PLXDC1: variants seen among roughly 807,000 people sequenced by gnomAD.
The protein encoded by PLXDC1 is plexin domain containing 1, also known as plexin domain-containing protein 1.
Under a neutral mutation model 61.3 loss-of-function variants are expected in PLXDC1, and 39 were observed. The ratio of observed to expected loss-of-function variants is 0.64; its 90% CI spans 0.49 to 0.83. The LOEUF is 0.83. Ranked by LOEUF, PLXDC1 falls within the 40% of genes least tolerant of loss-of-function variation. The pLI, the probability that PLXDC1 is intolerant of heterozygous loss-of-function variation, is 0.00. For synonymous variants in PLXDC1, 212 were observed against 254.5 expected (o/e 0.83, Z 1.59); for missense variants, 596 against 666.5 (o/e 0.89, Z 1.17).
chr17:39,078,994 CA>C, intron 10 of PLXDC1, 109 bp downstream of exon 10: 1 of 850,654 alleles, frequency 1.2e-6, no homozygotes, highest in South Asian at 1.4e-5. Context: ...AGGATATTGC[CA>C]AGAGCTAATG....
chr17:39,140,598 C>T lies in PLXDC1; in HGVS notation c.77-766G>A, dbSNP rs541875167. On this transcript the variant is annotated intron_variant, in intron 1 of 13. Transcript: ENST00000315392. ...GGGATTACAGGCGTGAGCCACCGCG[C>T]CTAGCCTCGATTTCTTAAAAGAGCC... 9.2e-5 allele frequency among the ~76,000 whole-genome samples: 14 copies of T among 152,360 alleles called. No individual in the cohort carries two copies. In the East Asian group the frequency reaches 2.1e-3, roughly 23 times the overall value.
intron 9 of PLXDC1, among the ~76,000 whole-genome samples, chr17:39,081,641 T>TAC (rs1909565811): frequency 7.8e-6 from 1 of 128,766 alleles, no homozygotes; most frequent in African/African-American, 3.1e-5. Context: ...AAAAAAAAAA[T>TAC]GCTTCTTGAT....
At chr17:39,094,655 C>T (rs1043035251) in intron 7 of PLXDC1, among the ~76,000 whole-genome samples, 15 of 152,176 alleles carry the variant, frequency 9.9e-5, no homozygotes, top group Non-Finnish European at 1.9e-4. Context: ...ACCTCATCCC[C>T]TAGCACCAGG....
chr17:39,068,034 A>C, intron 13 of PLXDC1, 75 bp from the exon 14 acceptor site: 1 of 1,483,322 alleles, frequency 6.7e-7, no homozygotes, highest in Non-Finnish European at 9.3e-7. Flanking sequence ...TGAGCGACAG[A>C]GCCAACCAAG....
At chr17:39,068,494 T>C (rs376395129) in intron 13 of PLXDC1, among the ~76,000 whole-genome samples, 23 of 152,306 alleles carry the variant, frequency 1.5e-4, no homozygotes, top group African/African-American at 5.5e-4. Context: ...CTGGCCAACA[T>C]GGTGAAACAC....
intron 7 of PLXDC1, among the ~76,000 whole-genome samples, chr17:39,093,196 C>T (rs28409216): frequency 0.27 from 41,275 of 152,008 alleles, 6,187 homozygotes; most frequent in Non-Finnish European, 0.34. Context: ...GTCCCTGCCC[C>T]CAGCTCCACC....
At chr17:39,083,852 C>G (rs1281181668) in intron 8 of PLXDC1, among the ~76,000 whole-genome samples, 1 of 151,974 alleles carries the variant, frequency 6.6e-6, no homozygotes, top group African/African-American at 2.4e-5. Context: ...TCCCTCCCTA[C>G]CTACCTTCCT....
At chr17:39,116,611 G>A (rs1335831099) in intron 2 of PLXDC1, among the ~76,000 whole-genome samples, 1 of 152,222 alleles carries the variant, frequency 6.6e-6, no homozygotes, top group Non-Finnish European at 1.5e-5. Flanking sequence ...GACACAGGAA[G>A]GTGTCTCTGG....
Position 39,131,594 on chromosome 17 carries a change from A to C in PLXDC1, c.255+8060T>G, listed in dbSNP as rs139141172. ...TCTTGAACTCCTGACCTCAAGTGAT[A>C]TGCCCTCCTTGGCCTCCCAAAGTGC... On this transcript the variant is annotated intron_variant, in intron 2 of 13. Coordinates refer to ENST00000315392, the MANE Select transcript of PLXDC1 (RefSeq NM_020405.5). Among the ~76,000 whole-genome samples, 1,041 of 151,864 alleles carry C rather than the reference A, an allele frequency of 6.9e-3. 8 individuals are homozygous for C. The highest frequency in any genetic ancestry group is 0.01 in the Non-Finnish European group (706 of 67,872).
chr17:39,080,850 T>C (rs1001100884), intron 9 of PLXDC1: 2 of 152,460 alleles, frequency 1.3e-5, no homozygotes, highest in African/African-American at 4.8e-5. Flanking sequence ...AACCTCCTAA[T>C]GTTGAGGAGG....
chr17:39,124,714 T>A (rs1911265999), intron 2 of PLXDC1, among the ~76,000 whole-genome samples: 1 of 152,236 alleles, frequency 6.6e-6, no homozygotes, highest in South Asian at 2.1e-4. Context: ...ATAGGCAACT[T>A]CACCTCTCTG....
chr17:39,120,807 A>G (rs891707811), intron 2 of PLXDC1, among the ~76,000 whole-genome samples: 2 of 140,014 alleles, frequency 1.4e-5, no homozygotes, highest in South Asian at 4.5e-4. Context: ...CCTGTTGCCC[A>G]GGGTGGAGTG....
intron 2 of PLXDC1, among the ~76,000 whole-genome samples, chr17:39,115,620 G>C (rs1188764427): frequency 6.6e-6 from 1 of 152,200 alleles, no homozygotes; most frequent in African/African-American, 2.4e-5. Context: ...CGACTTGCAG[G>C]GGGATCACTC....
intron 2 of PLXDC1, among the ~76,000 whole-genome samples, chr17:39,134,223 C>T (rs890531914): frequency 2.7e-5 from 4 of 149,644 alleles, no homozygotes; most frequent in African/African-American, 9.9e-5. Flanking sequence ...CACTGCACTA[C>T]AGCCTGGGCG....
rs949929646 is a variant in PLXDC1, at chr17:39,063,775, G to GC, written c.*4064dup. Reference sequence around the variant, plus strand: ...GGTAGGTTTTTGGAGACAGAGATTGGCCGCATCATATCTGTGACACTGACT... The same window carrying GC: ...GGTAGGTTTTTGGAGACAGAGATTGGCCCGCATCATATCTGTGACACTGACT... On this transcript the variant is annotated 3_prime_UTR_variant, in exon 14 of 14. Transcript: ENST00000315392. 1.8e-4 allele frequency: 73 copies of GC among 406,962 alleles called. No homozygotes were observed. Among genetic ancestry groups the GC allele is most frequent in the African/African-American group, 1.4e-3 (71 of 48,966 alleles). The allele number at this position is 406,962 out of a possible 1,614,324, so 25.2% of individuals were successfully genotyped here. A position where few individuals can be genotyped will look rare whatever the true frequency, so the allele number is the denominator to read the frequency against.
chr17:39,119,685 C>T (rs1911097643), intron 2 of PLXDC1, among the ~76,000 whole-genome samples: 1 of 152,084 alleles, frequency 6.6e-6, no homozygotes. Context: ...GTTGAAGCTG[C>T]AGTGAGCCAA....
At chr17:39,106,317 C>G (rs1256965000) in intron 6 of PLXDC1, among the ~76,000 whole-genome samples, 1 of 152,102 alleles carries the variant, frequency 6.6e-6, no homozygotes, top group Non-Finnish European at 1.5e-5. Context: ...CCTCATCCTA[C>G]TCTAAGCTGC....
Position 39,109,307 on chromosome 17 carries a change from C to T in PLXDC1, c.340G>A (p.Ala114Thr), listed in dbSNP as rs768246508. The T allele has an allele frequency of 1.6e-5, 25 of 1,612,296 alleles. No homozygotes were observed. The South Asian group carries it at 2.8e-4, about 18-fold the overall frequency. Reference sequence around the variant, plus strand: ...TGGATCTTCACTTGGCTCCGGTTGGCCTCGGCCACATCTACCCACAGTTCC... The same window carrying T: ...TGGATCTTCACTTGGCTCCGGTTGGTCTCGGCCACATCTACCCACAGTTCC... ...SRELWVDVAE[A>T]NRSQVKIHTI... The change falls in exon 3 of 14, where the codon GCC (alanine) becomes ACC (threonine). Residue 114 changes from alanine to threonine, a missense_variant. Coordinates refer to ENST00000315392, the MANE Select transcript of PLXDC1 (RefSeq NM_020405.5).
intron 2 of PLXDC1, among the ~76,000 whole-genome samples, chr17:39,129,711 G>GAAGGAAAGAAAGAAA (rs1249381083): frequency 2.1e-4 from 23 of 108,334 alleles, no homozygotes; most frequent in African/African-American, 6.0e-4. Context: ...AAAGAAAGAA[G>GAAGGAAAGAAAGAAA]GAAAGAAAGA....
Sources: gnomAD v4.1 joint callset for allele counts (sites outside exome capture counted in the v4.1 genomes callset) on GRCh38, gnomAD v4.1.1 for gene constraint, MANE v1.5 for transcripts, NCBI Gene and HGNC (gene_info 2026-07-23, HGNC 2026-07-21) for gene names.